DNAJA2: variants seen among roughly 807,000 people sequenced by gnomAD.
DNAJA2 encodes the protein dnaJ homolog subfamily A member 2.
DNAJA2 carries 6 observed loss-of-function variants against 49.3 expected under a neutral mutation model. That is an observed-to-expected ratio of 0.12 (90% CI 0.07 to 0.24). DNAJA2 has a LOEUF of 0.24. DNAJA2 is among the 10% of genes least tolerant of loss of function. The pLI is 1.00. For synonymous variants in DNAJA2, 160 were observed against 172.7 expected (o/e 0.93, Z 0.58); for missense variants, 347 against 516.8 (o/e 0.67, Z 3.19).
Position 46,955,777 on chromosome 16 carries a change from A to G in DNAJA2, c.*1252T>C, listed in dbSNP as rs1442387415. The G allele has an allele frequency of 6.6e-6, 1 of 152,236 alleles. No individual in the cohort carries two copies. Among genetic ancestry groups the G allele is most frequent in the Non-Finnish European group, 1.5e-5 (1 of 68,040 alleles). The allele number at this position is 152,236 out of a possible 1,614,324, so 9.4% of individuals were successfully genotyped here. On this transcript the variant is annotated 3_prime_UTR_variant, in exon 9 of 9. Transcript: ENST00000317089. ...TGTTCTAAAAATACCTACTGAGTGA[A>G]ATGGTAAAAACCAGATGATGGAAAG... is the stretch of plus-strand genomic sequence containing the variant.
At chr16:46,958,844 T>A in intron 8 of DNAJA2, 159 bp downstream of exon 8, 1 of 740,822 alleles carries the variant, frequency 1.3e-6, no homozygotes, top group Non-Finnish European at 2.1e-6. Flanking sequence ...CCTTGGGGGC[T>A]GAGGTGAGAG....
At position 46,968,068 on chromosome 16, in the gene DNAJA2, C is replaced by T; in HGVS notation, c.443+16G>A. The T allele has an allele frequency of 1.3e-6, 2 of 1,576,422 alleles. No homozygotes were observed. Among genetic ancestry groups the T allele is most frequent in the Non-Finnish European group, 1.7e-6 (2 of 1,165,386 alleles). ...AACAGACAAAATGTACCCAATAAAC[C>T]AGAAGACACACTTACCCACTGCATG... On this transcript the variant is annotated intron_variant, in intron 4 of 8. Coordinates refer to ENST00000317089, the MANE Select transcript of DNAJA2 (RefSeq NM_005880.4).
In DNAJA2 at chr16:46,965,552, C is replaced by T. The variant is rs568846283; in HGVS notation, c.578-745G>A. On this transcript the variant is annotated intron_variant, in intron 5 of 8. Transcript: ENST00000317089. ...CGTTCTTCAAAATGGTAATAGTGGC[C>T]GGGCATGGTGGCTCACACCTGTAAT... is the stretch of plus-strand genomic sequence containing the variant. Among the ~76,000 whole-genome samples, 9 of 152,182 alleles carry T rather than the reference C, an allele frequency of 5.9e-5. No homozygotes were observed. In the South Asian group the frequency reaches 8.3e-4, roughly 14 times the overall value.
intron 1 of DNAJA2, among the ~76,000 whole-genome samples, chr16:46,973,249 G>C (rs1962082855): frequency 6.6e-6 from 1 of 152,032 alleles, no homozygotes; most frequent in Middle Eastern, 3.2e-3. Context: ...CATCGTGTTT[G>C]CGCAGGAGTG....
intron 8 of DNAJA2, among the ~76,000 whole-genome samples, chr16:46,958,150 T>TA (rs906263175): frequency 6.6e-6 from 1 of 151,762 alleles, no homozygotes; most frequent in African/African-American, 2.4e-5. Flanking sequence ...AACATCTCTA[T>TA]AAAAAGTTTT....
rs1488607011 is a variant in DNAJA2, at chr16:46,955,401, T to C, written c.*1628A>G. On this transcript the variant is annotated 3_prime_UTR_variant, in exon 9 of 9. Coordinates refer to ENST00000317089, the MANE Select transcript of DNAJA2 (RefSeq NM_005880.4). ...CCTTTATTGGAAAGGCTACAAACTTTATATTGCCACCACATTTCTTATGTT... is the reference window on the plus strand; with the variant it reads ...CCTTTATTGGAAAGGCTACAAACTTCATATTGCCACCACATTTCTTATGTT... The C allele has an allele frequency of 2.6e-5, 4 of 152,236 alleles. No individual in the cohort carries two copies. The East Asian group carries it at 7.7e-4, about 29-fold the overall frequency. The allele number at this position is 152,236 out of a possible 1,614,324, so 9.4% of individuals were successfully genotyped here. A position where few individuals can be genotyped will look rare whatever the true frequency, so the allele number is the denominator to read the frequency against.
rs1271150412 is a variant in DNAJA2, at chr16:46,964,546, T to C, written c.774+65A>G. 7 of 1,497,288 alleles carry C rather than the reference T, an allele frequency of 4.7e-6. No individual in the cohort carries two copies. In the African/African-American group the frequency reaches 8.4e-5, roughly 18 times the overall value. 92.8% of individuals were successfully genotyped at this position (1,497,288 alleles called of 1,614,324 possible). A position where few individuals can be genotyped will look rare whatever the true frequency, so the allele number is the denominator to read the frequency against. ...GGGACTCCAAACAGATCTAACCTAT[T>C]TCTCACAAGCAAGAAGTACTTCTGA... is the stretch of plus-strand genomic sequence containing the variant. On this transcript the variant is annotated intron_variant, in intron 6 of 8. Transcript: ENST00000317089.
At position 46,964,743 on chromosome 16, in the gene DNAJA2, G is replaced by C; in HGVS notation, c.642C>G (p.Val214=). Residue 214 remains valine, a synonymous_variant, in exon 6 of 9, where the codon GTC becomes GTG. Coordinates refer to ENST00000317089, the MANE Select transcript of DNAJA2 (RefSeq NM_005880.4). ...KCEGKKVIKE[V]KILEVHVDKG... ...TGTCTACGTGGACTTCAAGAATCTTGACTTCTTTAATCACCTTCTTCCCTT... is the reference window on the plus strand; with the variant it reads ...TGTCTACGTGGACTTCAAGAATCTTCACTTCTTTAATCACCTTCTTCCCTT... 1 of 1,614,038 alleles carries C rather than the reference G, an allele frequency of 6.2e-7. No homozygotes were observed. Among genetic ancestry groups the C allele is most frequent in the Non-Finnish European group, 8.5e-7 (1 of 1,179,998 alleles).
At chr16:46,970,593 G>A (rs143969586) in intron 3 of DNAJA2, among the ~76,000 whole-genome samples, 1,807 of 151,552 alleles carry the variant, frequency 0.012, 19 homozygotes, top group Middle Eastern at 0.024. Flanking sequence ...AAAATTAGCC[G>A]GGCATGGTGC....
intron 3 of DNAJA2, among the ~76,000 whole-genome samples, chr16:46,969,399 A>T (rs1962015768): frequency 6.6e-6 from 1 of 152,226 alleles, no homozygotes; most frequent in African/African-American, 2.4e-5. Flanking sequence ...CTGCATAACA[A>T]ATCATTTAAA....
chr16:46,966,316 C>G (rs1961969879), intron 5 of DNAJA2, among the ~76,000 whole-genome samples: 1 of 152,224 alleles, frequency 6.6e-6, no homozygotes, highest in African/African-American at 2.4e-5. Context: ...ATAATTATCT[C>G]ATCACTTCCA....
intron 5 of DNAJA2, among the ~76,000 whole-genome samples, chr16:46,966,389 T>G (rs999455429): frequency 2.0e-5 from 3 of 152,210 alleles, no homozygotes; most frequent in African/African-American, 7.2e-5. Context: ...ACTATCAACC[T>G]GTAGCTACTT....
chr16:46,956,893 C>A lies in DNAJA2; in HGVS notation c.*136G>T. On this transcript the variant is annotated 3_prime_UTR_variant, in exon 9 of 9. Transcript: ENST00000317089. Reference sequence around the variant, plus strand: ...ATTATACACTCTGTAGATACTATACCAATTTTAAAAGTTATACATAGACCA... The same window carrying A: ...ATTATACACTCTGTAGATACTATACAAATTTTAAAAGTTATACATAGACCA... The A allele has an allele frequency of 2.2e-6, 2 of 924,242 alleles. No individual in the cohort carries two copies. The highest frequency in any genetic ancestry group is 3.4e-6 in the Non-Finnish European group (2 of 587,222). 57.3% of individuals were successfully genotyped at this position (924,242 alleles called of 1,614,324 possible).
At position 46,957,059 on chromosome 16, in the gene DNAJA2, A is replaced by G. The variant is rs991599545; in HGVS notation, c.1209T>C (p.His403=). 5.0e-6 allele frequency: 8 copies of G among 1,613,984 alleles called. No homozygotes were observed. Among genetic ancestry groups the G allele is most frequent in the South Asian group, 1.1e-5 (1 of 91,076 alleles). ...GATGGGCACACTGCACTCCAGGTCCATGATGGCTGCTGCTTTCTTCATCAG... is the reference window on the plus strand; with the variant it reads ...GATGGGCACACTGCACTCCAGGTCCGTGATGGCTGCTGCTTTCTTCATCAG... ...DSSDEESSSH[H]GPGVQCAHQ Residue 403 remains histidine (H), a synonymous_variant, in exon 9 of 9, where the codon CAT becomes CAC. Transcript: ENST00000317089.
chr16:46,973,573 G>T lies in DNAJA2; in HGVS notation c.-1C>A. 1 of 1,594,122 alleles carries T rather than the reference G, an allele frequency of 6.3e-7. No homozygotes were observed. Among genetic ancestry groups the T allele is most frequent in the Non-Finnish European group, 8.5e-7 (1 of 1,175,120 alleles). On this transcript the variant is annotated 5_prime_UTR_variant, in exon 1 of 9. Coordinates refer to ENST00000317089, the MANE Select transcript of DNAJA2 (RefSeq NM_005880.4). Reference sequence around the variant, plus strand: ...GCTTCGTGTCAGCCACGTTAGCCATGGCGGCCGGCCGGGCAGTGCTCGGGG... The same window carrying T: ...GCTTCGTGTCAGCCACGTTAGCCATTGCGGCCGGCCGGGCAGTGCTCGGGG...
At chr16:46,971,633 C>G in intron 2 of DNAJA2, 61 bp from the exon 3 acceptor site, 1 of 733,602 alleles carries the variant, frequency 1.4e-6, no homozygotes, top group South Asian at 1.7e-5. Flanking sequence ...TGGGGAGAAG[C>G]TACAGGAATC....
At chr16:46,968,233 G>A in intron 3 of DNAJA2, 69 bp from the exon 4 acceptor site, 1 of 1,008,342 alleles carries the variant, frequency 9.9e-7, no homozygotes, top group Non-Finnish European at 1.5e-6. Context: ...ATAAGTAACA[G>A]CTGATACAGC....
intron 4 of DNAJA2, 35 bp from the exon 5 acceptor site, chr16:46,967,681 T>C (rs1258138486): frequency 6.2e-7 from 1 of 1,613,480 alleles, no homozygotes; most frequent in Admixed American, 1.7e-5. Context: ...TAGGTTTTTG[T>C]CCACAAACCA....
chr16:46,969,640 A>G (rs1962018295), intron 3 of DNAJA2, among the ~76,000 whole-genome samples: 1 of 152,222 alleles, frequency 6.6e-6, no homozygotes, highest in Admixed American at 6.5e-5. Flanking sequence ...CTGCCTGGGA[A>G]TCTCTGCCAA....
Sources: gnomAD v4.1 joint callset for allele counts (sites outside exome capture counted in the v4.1 genomes callset) on GRCh38, gnomAD v4.1.1 for gene constraint, MANE v1.5 for transcripts, NCBI Gene and HGNC (gene_info 2026-07-23, HGNC 2026-07-21) for gene names.